Variants in LPIN2 observed in about 807,000 individuals in gnomAD.
LPIN2 encodes the protein lipin 2.
A neutral mutation model predicts 111.4 loss-of-function variants in LPIN2; 55 were observed. The observed-to-expected ratio is 0.49, with a 90% CI of 0.40 to 0.62. LPIN2 has a LOEUF of 0.62. Among genes scored for constraint, LPIN2 ranks in the 20% least tolerant of loss-of-function variants. The pLI is 0.00. For synonymous variants in LPIN2, 425 were observed against 414.0 expected (o/e 1.03, Z -0.32); for missense variants, 992 against 1,112.1 (o/e 0.89, Z 1.54).
At chr18:2,989,172 T>C (rs2078227642) in intron 1 of LPIN2, among the ~76,000 whole-genome samples, 1 of 152,212 alleles carries the variant, frequency 6.6e-6, no homozygotes, top group Non-Finnish European at 1.5e-5. Flanking sequence ...AGAGAGGTTA[T>C]GTTAAATATC....
intron 1 of LPIN2, among the ~76,000 whole-genome samples, chr18:2,967,262 T>C (rs1217153415): frequency 6.6e-6 from 1 of 152,112 alleles, no homozygotes; most frequent in African/African-American, 2.4e-5. Flanking sequence ...CTTAAATCAT[T>C]GGGTCTCAAG....
intron 1 of LPIN2, among the ~76,000 whole-genome samples, chr18:2,970,234 G>A (rs527552550): frequency 3.3e-5 from 5 of 152,188 alleles, no homozygotes; most frequent in Non-Finnish European, 7.3e-5. Flanking sequence ...TAAAAACAGG[G>A]CTCCCTGGAT....
intron 3 of LPIN2, 31 bp from the exon 4 acceptor site, chr18:2,951,387 C>T (rs373013912): frequency 7.4e-5 from 117 of 1,576,226 alleles, no homozygotes; most frequent in Non-Finnish European, 9.7e-5. Context: ...AAAAGTTATC[C>T]ATGACAAACT....
At chr18:2,938,167 G>A in intron 6 of LPIN2, 130 bp from the exon 7 acceptor site, 2 of 709,768 alleles carry the variant, frequency 2.8e-6, no homozygotes, top group South Asian at 1.7e-5. Flanking sequence ...GTTTGTACAT[G>A]TAAAAATTCC....
intron 2 of LPIN2, among the ~76,000 whole-genome samples, chr18:2,955,173 C>T (rs1013586033): frequency 3.3e-5 from 5 of 152,158 alleles, no homozygotes; most frequent in Admixed American, 1.3e-4. Flanking sequence ...TAGACATATG[C>T]GTTGGGCCAT....
In LPIN2 at chr18:2,940,420, T is replaced by C. The variant is rs528511818; in HGVS notation, c.698+185A>G. Among the ~76,000 whole-genome samples, 3 of 152,158 alleles carry C rather than the reference T, an allele frequency of 2.0e-5. No homozygotes were observed. The East Asian group carries it at 5.8e-4, about 29-fold the overall frequency. ...AACTGGCCAACACTGTTAGAGTAAG[T>C]CAGATCAAATTTAGAAACAAAATAA... On this transcript the variant is annotated intron_variant, in intron 5 of 19. Transcript: ENST00000677752.
rs960987902 is a variant in LPIN2, at chr18:2,918,809, T to C, written c.*1484A>G. 2.6e-5 allele frequency: 4 copies of C among 152,148 alleles called. No individual in the cohort carries two copies. Among genetic ancestry groups the C allele is most frequent in the Non-Finnish European group, 5.9e-5 (4 of 68,034 alleles). 9.4% of individuals were successfully genotyped at this position (152,148 alleles called of 1,614,324 possible). A position where few individuals can be genotyped will look rare whatever the true frequency, so the allele number is the denominator to read the frequency against. On this transcript the variant is annotated 3_prime_UTR_variant, in exon 20 of 20. Transcript: ENST00000677752. The stretch of plus-strand genomic sequence containing the variant: ...TCTCTATCTCTAGATCAGCATTATT[T>C]TAGGTGAAGCAAACTAAAACATGTA...
chr18:2,999,526 C>A (rs1157680667), intron 1 of LPIN2, among the ~76,000 whole-genome samples: 2 of 151,822 alleles, frequency 1.3e-5, no homozygotes, highest in Non-Finnish European at 2.9e-5. Context: ...AATGGCATGG[C>A]CCGGGAGGCG....
chr18:2,981,374 T>G (rs750740013), intron 1 of LPIN2, among the ~76,000 whole-genome samples: 1 of 152,092 alleles, frequency 6.6e-6, no homozygotes, highest in Non-Finnish European at 1.5e-5. Context: ...GACAGGGAGG[T>G]GACTCATTAG....
At chr18:2,923,673 A>T in intron 16 of LPIN2, 102 bp downstream of exon 16, 1 of 1,001,606 alleles carries the variant, frequency 1.0e-6, no homozygotes, top group Non-Finnish European at 1.6e-6. Context: ...CTTCAGCATA[A>T]ACACATGACT....
Position 2,920,288 on chromosome 18 carries a change from C to T in LPIN2, c.*5G>A, listed in dbSNP as rs531230516. 4.6e-5 allele frequency: 74 copies of T among 1,614,090 alleles called. No homozygotes were observed. The South Asian group carries it at 7.7e-4, about 17-fold the overall frequency. ...CAAGCCCTGCCCACCCACTGAGGTG[C>T]CGCCTCAAGACAGGTCATCCAGGTC... On this transcript the variant is annotated 3_prime_UTR_variant, in exon 20 of 20. Transcript: ENST00000677752.
At chr18:2,921,034 G>C (rs1346964632) in intron 18 of LPIN2, 153 bp from the exon 19 acceptor site, 3 of 697,824 alleles carry the variant, frequency 4.3e-6, no homozygotes, top group Non-Finnish European at 5.2e-6. Context: ...CTGAGCTTTA[G>C]ACAAACCTAA....
intron 2 of LPIN2, among the ~76,000 whole-genome samples, chr18:2,958,158 C>CAAAAAAAAAAAAAAAAAAAAAAAAA (rs1555678271): frequency 5.7e-5 from 2 of 35,352 alleles, no homozygotes; most frequent in Non-Finnish European, 5.2e-5. Context: ...AAAAAAAAAA[C>CAAAAAAAAAAAAAAAAAAAAAAAAA]AACAAAAAAA....
At position 2,975,868 on chromosome 18, in the gene LPIN2, G is replaced by A. The variant is rs575636128; in HGVS notation, c.-9-15019C>T. 3.3e-5 allele frequency among the ~76,000 whole-genome samples: 5 copies of A among 152,172 alleles called. No homozygotes were observed. The South Asian group carries it at 1.0e-3, about 32-fold the overall frequency. ...TAGAAGCCATGTGCAGTATTTTCAG[G>A]GTTGACTATCACTGACATTGGTGGG... On this transcript the variant is annotated intron_variant, in intron 1 of 19. Transcript: ENST00000677752.
intron 1 of LPIN2, among the ~76,000 whole-genome samples, chr18:2,976,037 G>C (rs1211612657): frequency 6.6e-6 from 1 of 152,146 alleles, no homozygotes; most frequent in Non-Finnish European, 1.5e-5. Context: ...TACAGCCCCA[G>C]ACTGGAAACA....
chr18:3,000,990 G>C (rs192013241), intron 1 of LPIN2, among the ~76,000 whole-genome samples: 11 of 151,124 alleles, frequency 7.3e-5, no homozygotes, highest in Admixed American at 7.2e-4. Context: ...GAGGGAGGGA[G>C]AGAGAGAGAA....
At chr18:2,986,671 C>A (rs1191079345) in intron 1 of LPIN2, among the ~76,000 whole-genome samples, 6 of 152,022 alleles carry the variant, frequency 3.9e-5, no homozygotes, top group African/African-American at 1.2e-4. Flanking sequence ...GTTTAAGGAG[C>A]TTAGGACCAA....
At chr18:3,012,469 C>T (rs1190561587) in intron 1 of LPIN2, among the ~76,000 whole-genome samples, 1 of 149,240 alleles carries the variant, frequency 6.7e-6, no homozygotes. Context: ...ACGTGTTCCT[C>T]ACAAATTAAG....
At chr18:2,922,261 CAAAAAAAA>C in intron 16 of LPIN2, 62 bp from the exon 17 acceptor site, 1 of 1,362,640 alleles carries the variant, frequency 7.3e-7, no homozygotes, top group Non-Finnish European at 1.0e-6. Flanking sequence ...AAACAAAAAA[CAAAAAAAA>C]AACCCCACAC....
Sources: gnomAD v4.1 joint callset for allele counts (sites outside exome capture counted in the v4.1 genomes callset) on GRCh38, gnomAD v4.1.1 for gene constraint, MANE v1.5 for transcripts, NCBI Gene and HGNC (gene_info 2026-07-23, HGNC 2026-07-21) for gene names.